Variants in DYM observed in about 807,000 individuals in gnomAD.
DYM encodes dymeclin.
A neutral mutation model predicts 93.1 loss-of-function variants in DYM; 78 were observed. That is an observed-to-expected ratio of 0.84 (90% CI 0.70 to 1.01). The LOEUF is 1.01. Among genes scored for constraint, DYM ranks in the 50% least tolerant of loss-of-function variants. The probability of loss-of-function intolerance (pLI) is 0.00; values close to 1 mark genes in which losing one functional copy is unlikely to be tolerated. For synonymous variants in DYM, 321 were observed against 319.7 expected (o/e 1.00, Z -0.04); for missense variants, 789 against 845.0 (o/e 0.93, Z 0.82).
intron 6 of DYM, among the ~76,000 whole-genome samples, chr18:49,353,247 A>C (rs1202983709): frequency 6.6e-6 from 1 of 152,138 alleles, no homozygotes; most frequent in Non-Finnish European, 1.5e-5. Flanking sequence ...TAATATTTTA[A>C]AACAATTAAA....
At position 49,341,364 on chromosome 18, in the gene DYM, C is replaced by T. The variant is rs1052124577; in HGVS notation, c.495-7511G>A. 7.2e-5 allele frequency among the ~76,000 whole-genome samples: 11 copies of T among 152,020 alleles called. No homozygotes were observed. The East Asian group carries it at 2.1e-3, about 29-fold the overall frequency. On this transcript the variant is annotated intron_variant, in intron 6 of 17. Transcript: ENST00000675505. ...AAAATTAGCCGGGCATGGTGGCAGG[C>T]ACCTGTAGTCCCAGCTACTCAGGAA...
intron 15 of DYM, among the ~76,000 whole-genome samples, chr18:49,121,565 T>A (rs1210806316): frequency 6.6e-6 from 1 of 151,876 alleles, no homozygotes; most frequent in Non-Finnish European, 1.5e-5. Flanking sequence ...ATACCCATGG[T>A]CACTCCACCC....
At chr18:49,169,471 A>C (rs1399460890) in intron 14 of DYM, among the ~76,000 whole-genome samples, 1 of 152,230 alleles carries the variant, frequency 6.6e-6, no homozygotes, top group Admixed American at 6.5e-5. Context: ...AGGATGGCTT[A>C]TCAACTGCCT....
intron 1 of DYM, among the ~76,000 whole-genome samples, chr18:49,439,647 C>T (rs557295781): frequency 2.0e-5 from 3 of 152,206 alleles, no homozygotes; most frequent in African/African-American, 7.2e-5. Context: ...ATTCTGAGTA[C>T]AATATGCTAA....
At chr18:49,436,847 C>T (rs1331094341) in intron 1 of DYM, among the ~76,000 whole-genome samples, 1 of 152,150 alleles carries the variant, frequency 6.6e-6, no homozygotes, top group Non-Finnish European at 1.5e-5. Context: ...AAATGAAAAT[C>T]ATAACAATTT....
intron 8 of DYM, among the ~76,000 whole-genome samples, chr18:49,302,936 T>C (rs2061035214): frequency 6.6e-6 from 1 of 152,212 alleles, no homozygotes; most frequent in African/African-American, 2.4e-5. Flanking sequence ...AGAACAGAAC[T>C]TCAGCACCTG....
rs763380940 is a variant in DYM at position 49,163,744 on chromosome 18, G to C, written c.1669C>G (p.Gln557Glu). The C allele has an allele frequency of 6.2e-6, 10 of 1,612,610 alleles. 1 individual carries two copies. The South Asian group carries it at 1.1e-4, about 18-fold the overall frequency. ...LSKKHNKVLEQATQSLRGSLS... is the reference protein window; with the variant it reads ...LSKKHNKVLEEATQSLRGSLS... Reference sequence around the variant, plus strand: ...GAACCTCTCAAGGACTGTGTGGCTTGTTCCAGAACTTTGTTGTGTTTTTTA... The same window carrying C: ...GAACCTCTCAAGGACTGTGTGGCTTCTTCCAGAACTTTGTTGTGTTTTTTA... The change falls in exon 15 of 18, where the codon CAA becomes GAA. Residue 557 changes from glutamine to glutamate, a missense_variant. Physicochemically the swap from Gln to Glu is conservative, Grantham distance 29. Around this residue, in one of 3 missense-constraint regions of DYM, gnomAD observed 225 missense variants for 303.0 expected, o/e 0.74. Transcript: ENST00000675505.
At chr18:49,218,393 C>T (rs1260484043) in intron 13 of DYM, among the ~76,000 whole-genome samples, 1 of 152,178 alleles carries the variant, frequency 6.6e-6, no homozygotes, top group Non-Finnish European at 1.5e-5. Context: ...CTCAGCTCTG[C>T]ACCAAGCGGA....
chr18:49,292,270 C>T (rs2060159925), intron 8 of DYM, among the ~76,000 whole-genome samples: 1 of 151,260 alleles, frequency 6.6e-6, no homozygotes, highest in Admixed American at 6.6e-5. Flanking sequence ...TGGGAAGCTT[C>T]TCCATCTTTC....
chr18:49,145,276 T>C (rs2084998840), intron 15 of DYM, among the ~76,000 whole-genome samples: 1 of 151,502 alleles, frequency 6.6e-6, no homozygotes. Context: ...CAAATGTCAT[T>C]AGTAAAAACT....
chr18:49,201,510 A>C (rs975433586), intron 14 of DYM, among the ~76,000 whole-genome samples: 3 of 152,222 alleles, frequency 2.0e-5, no homozygotes, highest in Admixed American at 6.5e-5. Flanking sequence ...AGTAAAACTC[A>C]ATGGGCTACC....
chr18:49,257,246 C>CAT, intron 12 of DYM, 142 bp from the exon 13 acceptor site: 1 of 704,688 alleles, frequency 1.4e-6, no homozygotes, highest in Non-Finnish European at 2.5e-6. Context: ...TTTTCTAATT[C>CAT]CTAAATCCAT....
At chr18:49,447,899 C>A (rs910758133) in intron 1 of DYM, among the ~76,000 whole-genome samples, 4 of 152,152 alleles carry the variant, frequency 2.6e-5, no homozygotes, top group African/African-American at 9.7e-5. Context: ...CCCTGACCCC[C>A]CAACAGTGAG....
At chr18:49,078,411 C>T (rs1011870960) in intron 17 of DYM, among the ~76,000 whole-genome samples, 5 of 151,490 alleles carry the variant, frequency 3.3e-5, no homozygotes, top group Admixed American at 1.3e-4. Flanking sequence ...ATATATACTA[C>T]TTCATGTAAA....
chr18:49,304,601 T>C (rs2061160989), intron 8 of DYM, among the ~76,000 whole-genome samples: 1 of 152,172 alleles, frequency 6.6e-6, no homozygotes, highest in Non-Finnish European at 1.5e-5. Flanking sequence ...TAGTTCTCTC[T>C]CCACAAGCCA....
chr18:49,077,817 T>G (rs1445991551), intron 17 of DYM, among the ~76,000 whole-genome samples: 1 of 152,250 alleles, frequency 6.6e-6, no homozygotes, highest in Non-Finnish European at 1.5e-5. Context: ...TTTTTCTGAT[T>G]TGCTTTCAAC....
chr18:49,232,566 T>C (rs1370693850), intron 13 of DYM, among the ~76,000 whole-genome samples: 9 of 149,874 alleles, frequency 6.0e-5, no homozygotes, highest in Non-Finnish European at 7.4e-5. Flanking sequence ...GCCTCCAAAG[T>C]GCTGGGATTA....
intron 14 of DYM, among the ~76,000 whole-genome samples, chr18:49,190,863 A>G (rs944569318): frequency 1.3e-5 from 2 of 152,172 alleles, no homozygotes; most frequent in African/African-American, 4.8e-5. Flanking sequence ...CGTAATAAAT[A>G]GTGATTTTCT....
intron 13 of DYM, 113 bp from the exon 14 acceptor site, chr18:49,209,828 C>CAA: frequency 2.0e-6 from 1 of 507,700 alleles, no homozygotes; most frequent in Non-Finnish European, 2.5e-6. Flanking sequence ...AGATGGTGCC[C>CAA]AAGAAAAAAA....
Sources: gnomAD v4.1 joint callset for allele counts (sites outside exome capture counted in the v4.1 genomes callset) on GRCh38, gnomAD v4.1.1 for gene constraint, gnomAD v4.1.1 regional missense constraint, MANE v1.5 for transcripts, NCBI Gene and HGNC (gene_info 2026-07-23, HGNC 2026-07-21) for gene names.